RPTOR: variants seen among roughly 807,000 people sequenced by gnomAD.
The protein encoded by RPTOR is regulatory-associated protein of mTOR.
A neutral mutation model predicts 169.9 loss-of-function variants in RPTOR; 21 were observed. The observed-to-expected ratio is 0.12, with a 90% CI of 0.09 to 0.18. The LOEUF (loss-of-function observed/expected upper bound fraction) is 0.18. Among genes scored for constraint, RPTOR ranks in the 10% least tolerant of loss-of-function variants. RPTOR has a pLI of 1.00. For missense variants in RPTOR, 1,133 were observed against 1,855.9 expected, an observed-to-expected ratio of 0.61 and a Z score of 7.16; for synonymous variants, 732 against 753.2, an observed-to-expected ratio of 0.97 and a Z score of 0.46.
In RPTOR at chr17:80,961,473, A is replaced by G; in HGVS notation, c.3685A>G (p.Ser1229Gly). 6.4e-7 allele frequency: 1 copy of G among 1,550,470 alleles called. No individual in the cohort carries two copies. Among genetic ancestry groups the G allele is most frequent in the South Asian group, 1.2e-5 (1 of 84,068 alleles). The change falls in exon 31 of 34, where the codon AGT becomes GGT. Residue 1229 changes from serine (S) to glycine (G), a missense_variant. Coordinates refer to ENST00000306801, the MANE Select transcript of RPTOR (RefSeq NM_020761.3). ...LQKRPDGHIV[S>G]VSVNGDVRIF... is the part of the protein sequence containing the mutation. ...GAAGCGTCCCGACGGCCACATCGTG[A>G]GTGTGAGGTGAGGAGCGCCGATATT... is the stretch of plus-strand genomic sequence containing the variant.
rs1005706867 is a variant in RPTOR, at chr17:80,965,307, G to A, written c.*977G>A. 3.0e-5 allele frequency: 7 copies of A among 233,226 alleles called. No homozygotes were observed. Among genetic ancestry groups the A allele is most frequent in the African/African-American group, 6.6e-5 (3 of 45,356 alleles). 14.4% of individuals were successfully genotyped at this position (233,226 alleles called of 1,614,324 possible). A position where few individuals can be genotyped will look rare whatever the true frequency, so the allele number is the denominator to read the frequency against. On this transcript the variant is annotated 3_prime_UTR_variant, in exon 34 of 34. Coordinates refer to ENST00000306801, the MANE Select transcript of RPTOR (RefSeq NM_020761.3). ...TGGTCTCCCTGCTCTGTCCCCACAC[G>A]TTCCTCACATACAGGCAAGAGGCAC...
rs189504518 is a variant in RPTOR, at chr17:80,965,128, G to C, written c.*798G>C. The C allele has an allele frequency of 1.3e-5, 3 of 233,342 alleles. No individual in the cohort carries two copies. The highest frequency in any genetic ancestry group is 6.6e-5 in the African/African-American group (3 of 45,482). 14.5% of individuals were successfully genotyped at this position (233,342 alleles called of 1,614,324 possible). A position where few individuals can be genotyped will look rare whatever the true frequency, so the allele number is the denominator to read the frequency against. On this transcript the variant is annotated 3_prime_UTR_variant, in exon 34 of 34. Coordinates refer to ENST00000306801, the MANE Select transcript of RPTOR (RefSeq NM_020761.3). ...GGTAGCCCCTGCCTTAATCCACGGG[G>C]CTCCTTTCCCTCCGAAGGGCTGCTC...
chr17:80,958,674 A>G (rs1189374749), intron 29 of RPTOR, among the ~76,000 whole-genome samples: 1 of 152,068 alleles, frequency 6.6e-6, no homozygotes, highest in Non-Finnish European at 1.5e-5. Flanking sequence ...CAGCCTCCCA[A>G]AGTGCTGGGA....
intron 1 of RPTOR, chr17:80,602,847 A>C: frequency 1.7e-6 from 1 of 578,344 alleles, no homozygotes; most frequent in Non-Finnish European, 3.2e-6. Flanking sequence ...GTGAATGTTG[A>C]TGGTGTCTTC....
At chr17:80,649,318 A>G (rs2065621555) in intron 3 of RPTOR, among the ~76,000 whole-genome samples, 1 of 152,142 alleles carries the variant, frequency 6.6e-6, no homozygotes, top group Admixed American at 6.5e-5. Flanking sequence ...AGCTGGTGAA[A>G]ATGGCCCTAT....
chr17:80,776,992 A>G (rs1245611503), intron 6 of RPTOR, among the ~76,000 whole-genome samples: 1 of 152,096 alleles, frequency 6.6e-6, no homozygotes, highest in Non-Finnish European at 1.5e-5. Flanking sequence ...TAATCCCAGC[A>G]TTTTGGGAGG....
chr17:80,554,514 C>T lies in RPTOR; in HGVS notation c.162+8723C>T, dbSNP rs185736630. On this transcript the variant is annotated intron_variant, in intron 1 of 33. Coordinates refer to ENST00000306801, the MANE Select transcript of RPTOR (RefSeq NM_020761.3). ...ATCCCAGCACTTTGGGAGACTGAGG[C>T]GGGCAGATCATGAGGTCAGGAGATC... 2.1e-3 allele frequency among the ~76,000 whole-genome samples: 312 copies of T among 151,914 alleles called. 2 individuals carry two copies. The highest frequency in any genetic ancestry group is 7.2e-3 in the African/African-American group (298 of 41,384).
intron 12 of RPTOR, among the ~76,000 whole-genome samples, chr17:80,857,292 A>T (rs1241505576): frequency 6.6e-6 from 1 of 152,194 alleles, no homozygotes; most frequent in Non-Finnish European, 1.5e-5. Flanking sequence ...TCTTTCTCCC[A>T]AGGTGTATCT....
intron 4 of RPTOR, among the ~76,000 whole-genome samples, chr17:80,719,919 T>C (rs751099715): frequency 2.0e-5 from 3 of 152,222 alleles, no homozygotes; most frequent in Non-Finnish European, 1.5e-5. Context: ...TAATAGGATT[T>C]ATTGGTTTTT....
intron 17 of RPTOR, among the ~76,000 whole-genome samples, chr17:80,890,487 C>T (rs1222595480): frequency 1.4e-5 from 2 of 141,852 alleles, no homozygotes; most frequent in East Asian, 4.8e-4. Context: ...GGGCGTGGGC[C>T]ATGGCCGTGA....
chr17:80,612,631 C>T (rs547884892), intron 1 of RPTOR, among the ~76,000 whole-genome samples: 68 of 152,284 alleles, frequency 4.5e-4, no homozygotes, highest in African/African-American at 1.6e-3. Flanking sequence ...TACTCTTCTT[C>T]GACTTTTAAT....
chr17:80,588,885 C>G (rs931603016), intron 1 of RPTOR, among the ~76,000 whole-genome samples: 1 of 152,162 alleles, frequency 6.6e-6, no homozygotes, highest in African/African-American at 2.4e-5. Context: ...TATGGTCTCT[C>G]TTGATAAACA....
chr17:80,679,364 G>A (rs1182415945), intron 3 of RPTOR, among the ~76,000 whole-genome samples: 2 of 152,224 alleles, frequency 1.3e-5, no homozygotes, highest in Non-Finnish European at 2.9e-5. Flanking sequence ...CAGGCACAGG[G>A]CGGGAGGAAA....
chr17:80,729,614 T>C (rs1477911038), intron 4 of RPTOR, among the ~76,000 whole-genome samples: 1 of 152,234 alleles, frequency 6.6e-6, no homozygotes, highest in Non-Finnish European at 1.5e-5. Context: ...AACCCACTTA[T>C]ACCCCTTAAG....
At chr17:80,881,239 A>AT (rs954719940) in intron 14 of RPTOR, among the ~76,000 whole-genome samples, 15 of 152,212 alleles carry the variant, frequency 9.9e-5, no homozygotes, top group Admixed American at 2.6e-4. Context: ...AAGCTAAAGG[A>AT]TTTTTTAAAA....
At position 80,936,309 on chromosome 17, in the gene RPTOR, T is replaced by G. The variant is rs139104874; in HGVS notation, c.2920-4187T>G. Among the ~76,000 whole-genome samples the G allele has an allele frequency of 2.8e-4, 43 of 152,326 alleles. No homozygotes were observed. In the East Asian group the frequency reaches 8.1e-3, roughly 29 times the overall value. The stretch of plus-strand genomic sequence containing the variant: ...AAAGGTTGTCAGTTTCTTACAAAGT[T>G]AAACGTATGCCTACCATGCAACCTA... On this transcript the variant is annotated intron_variant, in intron 24 of 33. Coordinates refer to ENST00000306801, the MANE Select transcript of RPTOR (RefSeq NM_020761.3). The surrounding 1 kb of genome is among the most constrained non-coding windows in gnomAD (Gnocchi z 4.1).
chr17:80,645,354 T>C (rs1379979649), intron 3 of RPTOR, among the ~76,000 whole-genome samples: 2 of 152,194 alleles, frequency 1.3e-5, no homozygotes, highest in Admixed American at 1.3e-4. Flanking sequence ...TACCTTTGCG[T>C]TTTACTAGAT....
chr17:80,727,354 A>T (rs2066347466), intron 4 of RPTOR, among the ~76,000 whole-genome samples: 1 of 150,188 alleles, frequency 6.7e-6, no homozygotes, highest in African/African-American at 2.5e-5. Flanking sequence ...ACACTCCAAG[A>T]TCATGGACAT....
intron 24 of RPTOR, among the ~76,000 whole-genome samples, chr17:80,930,233 GCTCATCCTCA>G: frequency 7.0e-6 from 1 of 143,640 alleles, no homozygotes; most frequent in Non-Finnish European, 1.5e-5. Context: ...CTCATCCCCA[GCTCATCCTCA>G]GCTCAGCTCA....
Sources: gnomAD v4.1 joint callset for allele counts (sites outside exome capture counted in the v4.1 genomes callset) on GRCh38, gnomAD v4.1.1 for gene constraint, Gnocchi (gnomAD v3.1) non-coding constraint, MANE v1.5 for transcripts, NCBI Gene and HGNC (gene_info 2026-07-23, HGNC 2026-07-21) for gene names.